Variants in PACS1 observed in about 807,000 individuals in gnomAD.
The protein encoded by PACS1 is PACS-1.
PACS1 carries 24 observed loss-of-function variants against 115.0 expected under a neutral mutation model. That is an observed-to-expected ratio of 0.21 (90% CI 0.15 to 0.29). The LOEUF (loss-of-function observed/expected upper bound fraction) is 0.29. Ranked by LOEUF, PACS1 falls within the 10% of genes least tolerant of loss-of-function variation. The probability of loss-of-function intolerance (pLI) is 1.00; values close to 1 mark genes in which losing one functional copy is unlikely to be tolerated. For synonymous variants in PACS1, 453 were observed against 504.5 expected (o/e 0.90, Z 1.37); for missense variants, 838 against 1,251.2 (o/e 0.67, Z 4.98).
intron 19 of PACS1, chr11:66,238,251 G>C: frequency 1.0e-6 from 1 of 985,264 alleles, no homozygotes; most frequent in Non-Finnish European, 1.2e-6. Context: ...ACGTCCACTT[G>C]GCTTTAGACT....
chr11:66,185,786 C>CTT (rs1361700940), intron 1 of PACS1, among the ~76,000 whole-genome samples: 3 of 152,232 alleles, frequency 2.0e-5, no homozygotes, highest in African/African-American at 4.8e-5. Flanking sequence ...GGGCACTGCC[C>CTT]TTTAAAATGG....
intron 1 of PACS1, among the ~76,000 whole-genome samples, chr11:66,175,900 A>AT (rs1210945078): frequency 6.6e-6 from 1 of 152,024 alleles, no homozygotes; most frequent in Non-Finnish European, 1.5e-5. Context: ...CTCAGATTGA[A>AT]TTTTTTTCCT....
chr11:66,099,971 C>G (rs1857876180), intron 1 of PACS1, among the ~76,000 whole-genome samples: 1 of 152,160 alleles, frequency 6.6e-6, no homozygotes, highest in Non-Finnish European at 1.5e-5. Context: ...ACCTCCGCCT[C>G]CTGGGTTCAA....
intron 10 of PACS1, among the ~76,000 whole-genome samples, chr11:66,226,128 C>T (rs1200668816): frequency 1.3e-5 from 2 of 152,164 alleles, no homozygotes; most frequent in East Asian, 1.9e-4. Context: ...GCCAAGATTG[C>T]ACCACTACAC....
chr11:66,134,129 A>G (rs913767941), intron 1 of PACS1, among the ~76,000 whole-genome samples: 7 of 151,428 alleles, frequency 4.6e-5, no homozygotes, highest in African/African-American at 1.7e-4. Flanking sequence ...CATTAGCGTA[A>G]TTCCCCACCA....
chr11:66,072,709 C>G (rs540976865), intron 1 of PACS1, among the ~76,000 whole-genome samples: 99 of 152,274 alleles, frequency 6.5e-4, no homozygotes, highest in Admixed American at 2.6e-3. Flanking sequence ...GTATCCTAAC[C>G]CACCTCTTTC....
At chr11:66,121,580 A>G (rs182397684) in intron 1 of PACS1, among the ~76,000 whole-genome samples, 86 of 152,342 alleles carry the variant, frequency 5.6e-4, no homozygotes, top group African/African-American at 2.0e-3. Context: ...TGTAAAAGAA[A>G]AGTTCCTGAA....
chr11:66,144,973 T>C (rs1053419574), intron 1 of PACS1, among the ~76,000 whole-genome samples: 2 of 152,176 alleles, frequency 1.3e-5, no homozygotes, highest in African/African-American at 2.4e-5. Flanking sequence ...TGACTTACAG[T>C]GCACTTTTAT....
intron 4 of PACS1, among the ~76,000 whole-genome samples, chr11:66,213,586 C>T (rs1256191062): frequency 6.6e-6 from 1 of 152,264 alleles, no homozygotes; most frequent in East Asian, 1.9e-4. Context: ...TGTATGCACA[C>T]ATGTGCTCGT....
rs566907958 is a variant in PACS1, at chr11:66,228,190, A to T, written c.1374+606A>T. 1.8e-3 allele frequency among the ~76,000 whole-genome samples: 278 copies of T among 151,808 alleles called. 1 individual carries two copies. The highest frequency in any genetic ancestry group is 2.1e-3 in the Non-Finnish European group (145 of 67,892). On this transcript the variant is annotated intron_variant, in intron 11 of 23. Transcript: ENST00000320580. ...GAGGTACAGGGGATGCAAACTGGAG[A>T]AGCGACATCTGAGCTGGGCTTTGCA...
chr11:66,139,490 C>T (rs191239956), intron 1 of PACS1, among the ~76,000 whole-genome samples: 1 of 152,060 alleles, frequency 6.6e-6, no homozygotes, highest in Non-Finnish European at 1.5e-5. Flanking sequence ...ATCCACCCCC[C>T]TAACCCCACC....
chr11:66,238,282 A>G (rs1209650511), intron 19 of PACS1: 1 of 985,224 alleles, frequency 1.0e-6, no homozygotes, highest in Non-Finnish European at 1.2e-6. Flanking sequence ...GCAGAGACAG[A>G]GCCATCTTCC....
chr11:66,146,171 A>G (rs1413318246), intron 1 of PACS1, among the ~76,000 whole-genome samples: 1 of 152,224 alleles, frequency 6.6e-6, no homozygotes, highest in African/African-American at 2.4e-5. Flanking sequence ...AGGGTGGTTC[A>G]TATTCAGGGA....
At chr11:66,195,792 G>A (rs184177309) in intron 2 of PACS1, among the ~76,000 whole-genome samples, 100 of 152,250 alleles carry the variant, frequency 6.6e-4, no homozygotes, top group Middle Eastern at 3.4e-3. Flanking sequence ...ATACAGCAGT[G>A]ATCAAAACAG....
At chr11:66,099,066 T>C (rs1192465472) in intron 1 of PACS1, among the ~76,000 whole-genome samples, 2 of 152,040 alleles carry the variant, frequency 1.3e-5, no homozygotes, top group Non-Finnish European at 2.9e-5. Flanking sequence ...CCCTTTTCAA[T>C]GGAGTCTCAC....
At chr11:66,171,487 G>T (rs1184834373) in intron 1 of PACS1, among the ~76,000 whole-genome samples, 6 of 149,536 alleles carry the variant, frequency 4.0e-5, no homozygotes, top group Non-Finnish European at 7.4e-5. Flanking sequence ...CTTTTTTTGG[G>T]GGGGCGGTGT....
At chr11:66,087,730 T>C (rs1018081831) in intron 1 of PACS1, among the ~76,000 whole-genome samples, 2 of 152,210 alleles carry the variant, frequency 1.3e-5, no homozygotes, top group African/African-American at 4.8e-5. Flanking sequence ...TGCTGAATAG[T>C]GCTACTGTGG....
intron 1 of PACS1, among the ~76,000 whole-genome samples, chr11:66,073,561 C>A (rs961195416): frequency 6.6e-6 from 1 of 152,038 alleles, no homozygotes; most frequent in African/African-American, 2.4e-5. Flanking sequence ...AAAAAAATAC[C>A]GTTTCCTGTA....
chr11:66,090,837 G>A (rs148186995), intron 1 of PACS1, among the ~76,000 whole-genome samples: 11 of 152,258 alleles, frequency 7.2e-5, no homozygotes, highest in South Asian at 4.1e-4. Flanking sequence ...ATAAATGCAC[G>A]ATAACCCTGA....
Sources: gnomAD v4.1 joint callset for allele counts (sites outside exome capture counted in the v4.1 genomes callset) on GRCh38, gnomAD v4.1.1 for gene constraint, MANE v1.5 for transcripts, NCBI Gene and HGNC (gene_info 2026-07-23, HGNC 2026-07-21) for gene names.